Variants in UNC5D observed in about 807,000 individuals in gnomAD.
UNC5D encodes the protein unc-5 netrin receptor D, also known as netrin receptor UNC5D.
A neutral mutation model predicts 105.4 loss-of-function variants in UNC5D; 39 were observed. The observed-to-expected ratio is 0.37, with a 90% CI of 0.29 to 0.48. The LOEUF is 0.48. Ranked by LOEUF, UNC5D falls within the 20% of genes least tolerant of loss-of-function variation. UNC5D has a pLI of 0.98. For synonymous variants in UNC5D, 452 were observed against 450.4 expected, an observed-to-expected ratio of 1.00 and a Z score of -0.04; for missense variants, 991 against 1,202.4, an observed-to-expected ratio of 0.82 and a Z score of 2.60.
At chr8:35,784,919 TAAC>T (rs1255447969) in intron 16 of UNC5D, among the ~76,000 whole-genome samples, 2 of 152,140 alleles carry the variant, frequency 1.3e-5, no homozygotes, top group Non-Finnish European at 2.9e-5. Flanking sequence ...ATAAAAAAGT[TAAC>T]AATCTGAAGC....
intron 1 of UNC5D, among the ~76,000 whole-genome samples, chr8:35,247,661 A>T (rs1470898421): frequency 2.9e-5 from 1 of 34,752 alleles, no homozygotes. Context: ...TATATAAAAT[A>T]TATATAATAT....
intron 1 of UNC5D, among the ~76,000 whole-genome samples, chr8:35,427,244 T>C (rs1806313798): frequency 6.6e-6 from 1 of 152,192 alleles, no homozygotes. Flanking sequence ...CGGCTTTCAC[T>C]TCTGCTGACA....
At chr8:35,430,942 C>T (rs1163201953) in intron 1 of UNC5D, among the ~76,000 whole-genome samples, 1 of 152,048 alleles carries the variant, frequency 6.6e-6, no homozygotes, top group Non-Finnish European at 1.5e-5. Context: ...TAAGTGCTGT[C>T]GTAGAATGTT....
At chr8:35,339,676 T>A (rs950675159) in intron 1 of UNC5D, among the ~76,000 whole-genome samples, 6 of 152,318 alleles carry the variant, frequency 3.9e-5, no homozygotes, top group Admixed American at 3.9e-4. Context: ...AGACGGGGAC[T>A]GTAACTGAAT....
intron 1 of UNC5D, among the ~76,000 whole-genome samples, chr8:35,368,920 C>T (rs78507870): frequency 6.6e-6 from 1 of 152,240 alleles, no homozygotes; most frequent in East Asian, 1.9e-4. Flanking sequence ...CATCCTAGCA[C>T]CCTAATCATG....
chr8:35,246,648 A>G (rs1345580341), intron 1 of UNC5D, among the ~76,000 whole-genome samples: 1 of 152,026 alleles, frequency 6.6e-6, no homozygotes, highest in Non-Finnish European at 1.5e-5. Flanking sequence ...AGTCTTATCA[A>G]ATTGTTTTCA....
chr8:35,245,108 C>T (rs776063886), intron 1 of UNC5D, among the ~76,000 whole-genome samples: 1 of 152,116 alleles, frequency 6.6e-6, no homozygotes. Flanking sequence ...CTAAATACCT[C>T]GTCTTTATTA....
At chr8:35,634,083 G>A (rs1822209768) in intron 4 of UNC5D, among the ~76,000 whole-genome samples, 1 of 152,194 alleles carries the variant, frequency 6.6e-6, no homozygotes, top group Non-Finnish European at 1.5e-5. Flanking sequence ...ATTAGCCTGT[G>A]TGATCTTTAG....
chr8:35,383,222 G>C (rs1190222257), intron 1 of UNC5D, among the ~76,000 whole-genome samples: 1 of 152,112 alleles, frequency 6.6e-6, no homozygotes, highest in Non-Finnish European at 1.5e-5. Flanking sequence ...CCTGAGCTCA[G>C]GGTAGAACTC....
intron 1 of UNC5D, among the ~76,000 whole-genome samples, chr8:35,403,497 G>C (rs982532931): frequency 6.6e-6 from 1 of 152,202 alleles, no homozygotes; most frequent in East Asian, 1.9e-4. Context: ...TATACATTGT[G>C]TGTTCCTTAC....
intron 1 of UNC5D, among the ~76,000 whole-genome samples, chr8:35,494,642 G>C (rs1028729705): frequency 6.6e-6 from 1 of 152,158 alleles, no homozygotes; most frequent in Admixed American, 6.5e-5. Context: ...TACCCTGGCA[G>C]GATTCTAATT....
chr8:35,764,328 C>T (rs1337899322), intron 14 of UNC5D, among the ~76,000 whole-genome samples: 1 of 152,010 alleles, frequency 6.6e-6, no homozygotes, highest in Non-Finnish European at 1.5e-5. Context: ...TTTTTGGAGT[C>T]CTTCAGAGAG....
chr8:35,485,859 C>G (rs376335718), intron 1 of UNC5D, among the ~76,000 whole-genome samples: 4 of 152,110 alleles, frequency 2.6e-5, no homozygotes, highest in African/African-American at 7.2e-5. Flanking sequence ...GGGAGATGAT[C>G]GAAGAATGTT....
intron 3 of UNC5D, among the ~76,000 whole-genome samples, chr8:35,595,149 C>A (rs1184386648): frequency 6.6e-6 from 1 of 152,182 alleles, no homozygotes; most frequent in East Asian, 1.9e-4. Context: ...TAATAATGCA[C>A]TCTTCAGTTA....
At chr8:35,286,197 A>G (rs1806585705) in intron 1 of UNC5D, among the ~76,000 whole-genome samples, 1 of 152,164 alleles carries the variant, frequency 6.6e-6, no homozygotes, top group Non-Finnish European at 1.5e-5. Flanking sequence ...AGAAAGTGTG[A>G]CCATTTTCCC....
intron 8 of UNC5D, among the ~76,000 whole-genome samples, chr8:35,707,983 G>A (rs1314609707): frequency 6.6e-6 from 1 of 152,208 alleles, no homozygotes; most frequent in Non-Finnish European, 1.5e-5. Context: ...GGTTCTGTAA[G>A]CTGCATGGTT....
At chr8:35,495,584 T>A (rs1585977595) in intron 1 of UNC5D, among the ~76,000 whole-genome samples, 1 of 151,454 alleles carries the variant, frequency 6.6e-6, no homozygotes, top group Non-Finnish European at 1.5e-5. Context: ...GATGTAGAGA[T>A]CAGCCTTAAA....
intron 1 of UNC5D, among the ~76,000 whole-genome samples, chr8:35,297,131 C>T (rs958299382): frequency 2.0e-5 from 3 of 152,114 alleles, no homozygotes; most frequent in Admixed American, 6.6e-5. Context: ...CCTCAGCTAA[C>T]GTGGTGAAGT....
chr8:35,267,949 G>T (rs913610568), intron 1 of UNC5D, among the ~76,000 whole-genome samples: 1 of 152,042 alleles, frequency 6.6e-6, no homozygotes, highest in African/African-American at 2.4e-5. Flanking sequence ...AACTACATCT[G>T]ATGTTTCTCA....
Sources: allele counts gnomAD v4.1 joint callset (sites outside exome capture counted in the v4.1 genomes callset), GRCh38; gene constraint gnomAD v4.1.1; transcripts MANE v1.5; gene names NCBI Gene and HGNC (gene_info 2026-07-23, HGNC 2026-07-21).